MDGA2: variants seen among roughly 807,000 people sequenced by gnomAD.
MDGA2 encodes the protein MAM domain-containing glycosylphosphatidylinositol anchor protein 2.
In MDGA2, 40 loss-of-function variants were observed where a neutral mutation model predicts 117.8. The observed-to-expected ratio is 0.34, with a 90% CI of 0.26 to 0.44. The LOEUF (loss-of-function observed/expected upper bound fraction) is 0.44. Among genes scored for constraint, MDGA2 ranks in the 20% least tolerant of loss-of-function variants. The pLI, the probability that MDGA2 is intolerant of heterozygous loss-of-function variation, is 1.00. For missense variants in MDGA2, 1,123 were observed against 1,250.6 expected, an observed-to-expected ratio of 0.90 and a Z score of 1.54; for synonymous variants, 452 against 439.0, an observed-to-expected ratio of 1.03 and a Z score of -0.37.
chr14:47,071,889 A>G (rs544085960), intron 6 of MDGA2, among the ~76,000 whole-genome samples: 1 of 152,262 alleles, frequency 6.6e-6, no homozygotes, highest in South Asian at 2.1e-4. Flanking sequence ...TAACAATAAA[A>G]TTCACAATCC....
At chr14:47,300,199 C>G (rs981841916) in intron 2 of MDGA2, among the ~76,000 whole-genome samples, 57 of 152,090 alleles carry the variant, frequency 3.7e-4, no homozygotes, top group African/African-American at 1.3e-3. Flanking sequence ...TTCGCTTTTC[C>G]CTCTGTAGCT....
chr14:46,873,302 C>T, intron 14 of MDGA2, 131 bp downstream of exon 14: 5 of 761,158 alleles, frequency 6.6e-6, no homozygotes, highest in Non-Finnish European at 9.5e-6. Flanking sequence ...TTGCAATTTG[C>T]AGATAAATCA....
intron 3 of MDGA2, among the ~76,000 whole-genome samples, chr14:47,194,802 A>G (rs1386218097): frequency 6.6e-6 from 1 of 151,580 alleles, no homozygotes. Flanking sequence ...CTCTTCCCCC[A>G]TCACAACTTT....
chr14:47,429,291 T>C lies in MDGA2; in HGVS notation c.281-127741A>G, dbSNP rs566624072. ...ACAAATATGAAGATATATATATATA[T>C]ACACACATATATATTTTTATATGTG... On this transcript the variant is annotated intron_variant, in intron 1 of 16. Transcript: ENST00000399232. Among the ~76,000 whole-genome samples the C allele has an allele frequency of 2.8e-3, 427 of 151,822 alleles. 2 individuals are homozygous for C. Among genetic ancestry groups the C allele is most frequent in the African/African-American group, 9.5e-3 (392 of 41,422 alleles).
At chr14:46,950,910 G>T (rs1885350059) in intron 9 of MDGA2, among the ~76,000 whole-genome samples, 1 of 151,128 alleles carries the variant, frequency 6.6e-6, no homozygotes, top group Non-Finnish European at 1.5e-5. Flanking sequence ...ACTTTATTTT[G>T]ATGTGGAGTC....
At chr14:47,502,071 T>C (rs959950883) in intron 1 of MDGA2, among the ~76,000 whole-genome samples, 3 of 152,156 alleles carry the variant, frequency 2.0e-5, no homozygotes, top group African/African-American at 7.2e-5. Flanking sequence ...TAGAATTAAT[T>C]ATGCTATATT....
chr14:46,887,338 T>G (rs962088783), intron 10 of MDGA2, among the ~76,000 whole-genome samples: 3 of 151,978 alleles, frequency 2.0e-5, no homozygotes, highest in African/African-American at 7.2e-5. Context: ...CTCTTTTAAG[T>G]GGCAGCTTCA....
chr14:47,431,278 C>CG (rs1892793619), intron 1 of MDGA2, among the ~76,000 whole-genome samples: 2 of 151,466 alleles, frequency 1.3e-5, no homozygotes, highest in African/African-American at 4.9e-5. Context: ...AATGGACTCA[C>CG]GGTGTAAGTT....
chr14:47,043,466 A>G (rs949497095), intron 7 of MDGA2, among the ~76,000 whole-genome samples: 6 of 152,082 alleles, frequency 3.9e-5, no homozygotes, highest in Non-Finnish European at 7.4e-5. Context: ...GGTTGATATA[A>G]TAATATTATA....
At chr14:46,971,713 G>C (rs28848315) in intron 8 of MDGA2, among the ~76,000 whole-genome samples, 89 of 152,106 alleles carry the variant, frequency 5.9e-4, no homozygotes, top group Non-Finnish European at 1.1e-3. Flanking sequence ...CAGGTATATA[G>C]TTAAAGAGGT....
chr14:47,489,738 A>C (rs1033889408), intron 1 of MDGA2, among the ~76,000 whole-genome samples: 1 of 152,080 alleles, frequency 6.6e-6, no homozygotes, highest in African/African-American at 2.4e-5. Context: ...GAATGCTGCC[A>C]ATGTCATGCA....
intron 8 of MDGA2, among the ~76,000 whole-genome samples, chr14:47,007,912 A>G (rs1566571659): frequency 6.6e-6 from 1 of 151,850 alleles, no homozygotes; most frequent in East Asian, 1.9e-4. Flanking sequence ...TTCATTTCCA[A>G]TTATGATCTA....
chr14:47,452,057 T>A lies in MDGA2; in HGVS notation c.281-150507A>T, dbSNP rs528426767. On this transcript the variant is annotated intron_variant, in intron 1 of 16. Coordinates refer to ENST00000399232, the MANE Select transcript of MDGA2 (RefSeq NM_001113498.3). ...CAAGGGCAAAATCTTAAAGAAGACA[T>A]GTTTTTAATAGCTAAAAAGAAATAT... 9.9e-5 allele frequency among the ~76,000 whole-genome samples: 15 copies of A among 152,216 alleles called. 1 individual carries two copies. The highest frequency in any genetic ancestry group is 3.4e-4 in the African/African-American group (14 of 41,564).
intron 2 of MDGA2, among the ~76,000 whole-genome samples, chr14:47,260,222 T>C (rs1594758418): frequency 6.6e-6 from 1 of 152,082 alleles, no homozygotes; most frequent in East Asian, 1.9e-4. Context: ...TTTAAATTGA[T>C]GCAGATGAAT....
chr14:47,444,780 G>A (rs1385827502), intron 1 of MDGA2, among the ~76,000 whole-genome samples: 2 of 152,090 alleles, frequency 1.3e-5, no homozygotes. Flanking sequence ...CATAGTCTTA[G>A]CTTGTAATAG....
At chr14:47,241,282 A>T (rs754081065) in intron 2 of MDGA2, among the ~76,000 whole-genome samples, 3 of 151,942 alleles carry the variant, frequency 2.0e-5, no homozygotes, top group Non-Finnish European at 4.4e-5. Context: ...TTGGAGGCAC[A>T]TGCAGGCAAA....
chr14:47,384,996 T>G (rs973957528), intron 1 of MDGA2, among the ~76,000 whole-genome samples: 1 of 152,316 alleles, frequency 6.6e-6, no homozygotes, highest in Middle Eastern at 3.4e-3. Flanking sequence ...TTTTTCTTGA[T>G]GTGAGCAGAC....
chr14:47,299,306 C>G (rs1267001110), intron 2 of MDGA2: 4 of 152,128 alleles, frequency 2.6e-5, no homozygotes, highest in Non-Finnish European at 5.9e-5. Flanking sequence ...AGAGAGGCAG[C>G]AGAGCAACAC....
intron 2 of MDGA2, 72 bp from the exon 3 acceptor site, chr14:47,218,267 A>G: frequency 7.6e-7 from 1 of 1,311,316 alleles, no homozygotes; most frequent in Non-Finnish European, 1.0e-6. Context: ...GCAATCACTC[A>G]TTTGAAGAGT....
Sources: gnomAD v4.1 joint callset for allele counts (sites outside exome capture counted in the v4.1 genomes callset) on GRCh38, gnomAD v4.1.1 for gene constraint, MANE v1.5 for transcripts, NCBI Gene and HGNC (gene_info 2026-07-23, HGNC 2026-07-21) for gene names.